The following LHFPL6 variants were observed in gnomAD, a reference collection of about 807,000 sequenced individuals.
LHFPL6 encodes LHFPL tetraspan subfamily member 6 protein.
Under a neutral mutation model 20.6 loss-of-function variants are expected in LHFPL6, and 9 were observed. That is an observed-to-expected ratio of 0.44 (90% CI 0.26 to 0.76). The LOEUF is 0.76. LHFPL6 is among the 30% of genes least tolerant of loss of function. The pLI is 0.20. For synonymous variants in LHFPL6, 105 were observed against 98.7 expected (o/e 1.06, Z -0.38); for missense variants, 218 against 253.5 (o/e 0.86, Z 0.95).
chr13:39,412,922 CA>C (rs11398965), intron 2 of LHFPL6, among the ~76,000 whole-genome samples: 57 of 141,614 alleles, frequency 4.0e-4, no homozygotes, highest in Non-Finnish European at 4.6e-4. Flanking sequence ...ACTCCCGTCT[CA>C]AAAAAAAAAA....
intron 2 of LHFPL6, among the ~76,000 whole-genome samples, chr13:39,487,523 A>G (rs1035181627): frequency 1.3e-5 from 2 of 152,176 alleles, no homozygotes; most frequent in African/African-American, 4.8e-5. Context: ...TATATACCTC[A>G]CTGAAGTGTT....
chr13:39,557,632 A>T (rs775486242), intron 2 of LHFPL6, among the ~76,000 whole-genome samples: 13 of 152,188 alleles, frequency 8.5e-5, no homozygotes, highest in Admixed American at 1.3e-4. Flanking sequence ...AGGACATGAG[A>T]TCTGTGGGGG....
intron 2 of LHFPL6, among the ~76,000 whole-genome samples, chr13:39,516,935 T>C (rs1011040243): frequency 6.6e-6 from 1 of 152,238 alleles, no homozygotes; most frequent in African/African-American, 2.4e-5. Flanking sequence ...AGCATTCTAT[T>C]AATTTAATGC....
At chr13:39,516,639 A>T (rs143990699) in intron 2 of LHFPL6, among the ~76,000 whole-genome samples, 32 of 152,340 alleles carry the variant, frequency 2.1e-4, no homozygotes, top group Admixed American at 3.3e-4. Context: ...ATCAACAGGG[A>T]CTGAAAGAAA....
intron 2 of LHFPL6, among the ~76,000 whole-genome samples, chr13:39,391,779 A>T (rs1226273790): frequency 1.3e-5 from 2 of 152,230 alleles, no homozygotes; most frequent in African/African-American, 4.8e-5. Flanking sequence ...AATTCTTTAA[A>T]AATATTTTCC....
chr13:39,567,384 A>T (rs1356387418), intron 2 of LHFPL6, among the ~76,000 whole-genome samples: 1 of 152,248 alleles, frequency 6.6e-6, no homozygotes, highest in Non-Finnish European at 1.5e-5. Context: ...GCTTCATATT[A>T]CGAAGACTAT....
At chr13:39,528,890 T>A (rs1454710637) in intron 2 of LHFPL6, among the ~76,000 whole-genome samples, 1 of 152,150 alleles carries the variant, frequency 6.6e-6, no homozygotes, top group East Asian at 1.9e-4. Flanking sequence ...TTAGACACTT[T>A]CGAAGGAAAA....
At chr13:39,448,565 G>A (rs758588892) in intron 2 of LHFPL6, among the ~76,000 whole-genome samples, 1 of 152,096 alleles carries the variant, frequency 6.6e-6, no homozygotes, top group Non-Finnish European at 1.5e-5. Context: ...ACAACTTAAC[G>A]TACAAAATTG....
chr13:39,414,930 T>G (rs1871311502), intron 2 of LHFPL6, among the ~76,000 whole-genome samples: 1 of 152,204 alleles, frequency 6.6e-6, no homozygotes, highest in South Asian at 2.1e-4. Context: ...TCAATGTCTT[T>G]GAGAAGCTAC....
intron 2 of LHFPL6, among the ~76,000 whole-genome samples, chr13:39,438,436 G>A (rs746989197): frequency 1.6e-4 from 24 of 152,336 alleles, no homozygotes; most frequent in East Asian, 5.8e-4. Context: ...GAAACTTTGC[G>A]TCTTGGCCAT....
At chr13:39,427,210 C>A (rs946262579) in intron 2 of LHFPL6, among the ~76,000 whole-genome samples, 1 of 152,140 alleles carries the variant, frequency 6.6e-6, no homozygotes, top group Non-Finnish European at 1.5e-5. Context: ...GTTTCCTATA[C>A]GGACGAACAT....
chr13:39,472,985 G>A (rs1358644791), intron 2 of LHFPL6, among the ~76,000 whole-genome samples: 2 of 152,086 alleles, frequency 1.3e-5, no homozygotes. Context: ...TTGAATGTAT[G>A]AGCCCTTCAA....
chr13:39,574,265 A>G lies in LHFPL6; in HGVS notation c.385+26567T>C, dbSNP rs543659115. On this transcript the variant is annotated intron_variant, in intron 2 of 3. Transcript: ENST00000379589. The stretch of plus-strand genomic sequence containing the variant: ...TGGGAGGCCGAGGCGGGCGGATCAC[A>G]AGGTCAGGAGAACAAGATCATCCTG... Among the ~76,000 whole-genome samples the G allele has an allele frequency of 6.4e-4, 97 of 151,904 alleles. No homozygotes were observed. The Middle Eastern group carries it at 0.01, about 16-fold the overall frequency.
At chr13:39,597,941 G>A (rs1257821593) in intron 2 of LHFPL6, among the ~76,000 whole-genome samples, 3 of 152,232 alleles carry the variant, frequency 2.0e-5, no homozygotes, top group African/African-American at 7.2e-5. Flanking sequence ...TCTAGACACA[G>A]CAGGCGGGGT....
At position 39,509,784 on chromosome 13, in the gene LHFPL6, ACCT is replaced by A. The variant is rs1388385514; in HGVS notation, c.385+91045_385+91047del. ...AGACCAGCCTGAGCAATATAGCAAGACCTCATCTGTACAAAAATTTAAAAAATT... is the reference window on the plus strand; with the variant it reads ...AGACCAGCCTGAGCAATATAGCAAGACATCTGTACAAAAATTTAAAAAATT... On this transcript the variant is annotated intron_variant, in intron 2 of 3. Transcript: ENST00000379589. Among the ~76,000 whole-genome samples, 6 of 152,076 alleles carry A rather than the reference ACCT, an allele frequency of 3.9e-5. No homozygotes were observed. The East Asian group carries it at 1.2e-3, about 30-fold the overall frequency.
At chr13:39,454,848 A>C (rs1480617126) in intron 2 of LHFPL6, among the ~76,000 whole-genome samples, 1 of 152,218 alleles carries the variant, frequency 6.6e-6, no homozygotes, top group Non-Finnish European at 1.5e-5. Flanking sequence ...GTGGAGATAC[A>C]ATATTTTCAT....
chr13:39,372,168 T>C (rs997828240), intron 3 of LHFPL6, among the ~76,000 whole-genome samples: 1 of 151,506 alleles, frequency 6.6e-6, no homozygotes, highest in Non-Finnish European at 1.5e-5. Context: ...CTGGAAAACA[T>C]CTTTGAGCTC....
chr13:39,543,684 A>G (rs2324335), intron 2 of LHFPL6, among the ~76,000 whole-genome samples: 145,736 of 152,224 alleles, frequency 0.96, 69,778 homozygotes, highest in African/African-American at 0.96. Context: ...AAGTACAAAT[A>G]GTGCTGGATT....
At chr13:39,473,629 C>T (rs1014126055) in intron 2 of LHFPL6, among the ~76,000 whole-genome samples, 2 of 152,078 alleles carry the variant, frequency 1.3e-5, no homozygotes, top group Admixed American at 6.6e-5. Context: ...TTCTTTCTTT[C>T]GGATACATTG....
Sources: gnomAD v4.1 joint callset for allele counts (sites outside exome capture counted in the v4.1 genomes callset) on GRCh38, gnomAD v4.1.1 for gene constraint, MANE v1.5 for transcripts, NCBI Gene and HGNC (gene_info 2026-07-23, HGNC 2026-07-21) for gene names.